MYRIP: variants seen among roughly 807,000 people sequenced by gnomAD.
The protein encoded by MYRIP is myosin VIIA and Rab interacting protein.
A neutral mutation model predicts 98.0 loss-of-function variants in MYRIP; 49 were observed. That is an observed-to-expected ratio of 0.50 (90% confidence interval 0.40 to 0.63). MYRIP has a LOEUF of 0.63. Among genes scored for constraint, MYRIP ranks in the 30% least tolerant of loss-of-function variants. The pLI is 0.00. For synonymous variants in MYRIP, 404 were observed against 409.5 expected, an observed-to-expected ratio of 0.99 and a Z score of 0.16; for missense variants, 1,004 against 1,058.2, an observed-to-expected ratio of 0.95 and a Z score of 0.71.
intron 1 of MYRIP, among the ~76,000 whole-genome samples, chr3:39,875,151 G>A (rs1942947568): frequency 6.6e-6 from 1 of 152,160 alleles, no homozygotes. Context: ...AGTATTCTCT[G>A]ATGGTAGTTT....
Position 39,829,690 on chromosome 3 carries a change from C to CT in MYRIP, c.-31+19782dup, listed in dbSNP as rs889357832. ...TGTTATTCTGGCCAGGGACACTGTA[C>CT]TTTTTTTTATACATAATACCATTGC... On this transcript the variant is annotated intron_variant, in intron 1 of 16. Transcript: ENST00000302541. 3.3e-5 allele frequency among the ~76,000 whole-genome samples: 5 copies of CT among 151,866 alleles called. No homozygotes were observed. The East Asian group carries it at 5.8e-4, about 18-fold the overall frequency.
At position 40,223,359 on chromosome 3, in the gene MYRIP, A is replaced by C. The variant is rs188945358; in HGVS notation, c.1906-10500A>C. 5.8e-3 allele frequency among the ~76,000 whole-genome samples: 891 copies of C among 152,356 alleles called. 1 individual carries two copies. Among genetic ancestry groups the C allele is most frequent in the Admixed American group, 0.011 (172 of 15,300 alleles). On this transcript the variant is annotated intron_variant, in intron 11 of 16. Transcript: ENST00000302541. ...ATATTTTTTAAAGGTACAGTAATTAAATTTGTGAGCTACTAATATAAGATG... is the reference window on the plus strand; with the variant it reads ...ATATTTTTTAAAGGTACAGTAATTACATTTGTGAGCTACTAATATAAGATG...
chr3:39,924,763 C>T (rs370576326), intron 2 of MYRIP, among the ~76,000 whole-genome samples: 1 of 151,878 alleles, frequency 6.6e-6, no homozygotes, highest in Non-Finnish European at 1.5e-5. Context: ...AATAATAGAG[C>T]GTGTTCTCTA....
chr3:40,112,204 C>T (rs1414517825), intron 3 of MYRIP, among the ~76,000 whole-genome samples: 2 of 144,788 alleles, frequency 1.4e-5, no homozygotes, highest in Admixed American at 1.4e-4. Context: ...CACACATACG[C>T]TCATGGAATT....
chr3:40,093,361 T>C (rs1051988226), intron 3 of MYRIP, among the ~76,000 whole-genome samples: 1 of 152,196 alleles, frequency 6.6e-6, no homozygotes, highest in Non-Finnish European at 1.5e-5. Flanking sequence ...CCTGGCAATC[T>C]TCCTTCAACC....
intron 10 of MYRIP, among the ~76,000 whole-genome samples, chr3:40,203,152 G>T (rs1311768478): frequency 1.3e-5 from 2 of 151,842 alleles, no homozygotes; most frequent in African/African-American, 4.8e-5. Flanking sequence ...GGATGGTCTT[G>T]ATCTCTTGAC....
chr3:40,226,374 T>C (rs1374102624), intron 11 of MYRIP, among the ~76,000 whole-genome samples: 1 of 152,182 alleles, frequency 6.6e-6, no homozygotes, highest in Non-Finnish European at 1.5e-5. Context: ...GCAGCCACCA[T>C]GTTCTCTCAG....
At chr3:40,255,647 A>G (rs776395080) in intron 16 of MYRIP, among the ~76,000 whole-genome samples, 5 of 152,170 alleles carry the variant, frequency 3.3e-5, no homozygotes, top group Non-Finnish European at 5.9e-5. Flanking sequence ...AAATTTTGAT[A>G]AAATAAAGTA....
intron 3 of MYRIP, among the ~76,000 whole-genome samples, chr3:40,093,980 C>T (rs963064511): frequency 6.6e-6 from 1 of 152,138 alleles, no homozygotes; most frequent in Non-Finnish European, 1.5e-5. Context: ...GTCTTTCCTA[C>T]TTTCCTGTTA....
chr3:39,916,227 ACC>A (rs1470002222), intron 2 of MYRIP, among the ~76,000 whole-genome samples: 10 of 151,988 alleles, frequency 6.6e-5, no homozygotes, highest in Non-Finnish European at 2.9e-5. Context: ...TTCAATAAAA[ACC>A]CCAGTTCATT....
intron 3 of MYRIP, among the ~76,000 whole-genome samples, chr3:40,139,372 A>G (rs1222944129): frequency 1.3e-5 from 2 of 152,046 alleles, no homozygotes; most frequent in Non-Finnish European, 2.9e-5. Context: ...AACATTTCCA[A>G]CTTCTTGAGA....
chr3:40,046,581 T>C (rs1448630856), intron 3 of MYRIP, among the ~76,000 whole-genome samples: 3 of 145,852 alleles, frequency 2.1e-5, no homozygotes, highest in Non-Finnish European at 4.5e-5. Flanking sequence ...TGGAACTCAG[T>C]TGGAGAGGAG....
rs182454395 is a variant in MYRIP at position 40,255,506 on chromosome 3, A to T, written c.2548-2628A>T. On this transcript the variant is annotated intron_variant, in intron 16 of 16. Transcript: ENST00000302541. Reference sequence around the variant, plus strand: ...TAAATTACCTTAAAGTAACACAGAAAGGTTAAAAACGAAAGAACAGACAAT... The same window carrying T: ...TAAATTACCTTAAAGTAACACAGAATGGTTAAAAACGAAAGAACAGACAAT... Among the ~76,000 whole-genome samples, 461 of 152,350 alleles carry T rather than the reference A, an allele frequency of 3.0e-3. 5 individuals carry two copies. The highest frequency in any genetic ancestry group is 0.01 in the African/African-American group (427 of 41,584).
At chr3:40,129,586 C>G (rs1949598185) in intron 3 of MYRIP, among the ~76,000 whole-genome samples, 1 of 150,438 alleles carries the variant, frequency 6.6e-6, no homozygotes, top group South Asian at 2.1e-4. Context: ...TCTGAGATTA[C>G]ACTTTTCTAT....
intron 10 of MYRIP, among the ~76,000 whole-genome samples, chr3:40,200,243 T>G (rs374993459): frequency 4.7e-4 from 71 of 151,636 alleles, no homozygotes; most frequent in African/African-American, 1.5e-3. Context: ...ACACATAATA[T>G]GCTAACGATA....
intron 3 of MYRIP, among the ~76,000 whole-genome samples, chr3:40,064,573 A>G (rs1317675954): frequency 6.6e-6 from 1 of 152,214 alleles, no homozygotes; most frequent in Non-Finnish European, 1.5e-5. Flanking sequence ...AAAGGCAACA[A>G]TGTAAAACAA....
At chr3:39,819,533 A>G (rs1488641191) in intron 1 of MYRIP, among the ~76,000 whole-genome samples, 1 of 151,562 alleles carries the variant, frequency 6.6e-6, no homozygotes, top group African/African-American at 2.4e-5. Context: ...CTACCATTGG[A>G]CAATTATTCC....
chr3:40,007,468 T>C (rs1946659772), intron 2 of MYRIP, among the ~76,000 whole-genome samples: 1 of 152,176 alleles, frequency 6.6e-6, no homozygotes, highest in Non-Finnish European at 1.5e-5. Context: ...TCAGGTGTCC[T>C]CTCCTCATCA....
chr3:39,966,722 C>A (rs980755704), intron 2 of MYRIP, among the ~76,000 whole-genome samples: 1 of 152,186 alleles, frequency 6.6e-6, no homozygotes, highest in African/African-American at 2.4e-5. Context: ...GTGGCCTTTG[C>A]CGAAGCAATG....
Sources: gnomAD v4.1 joint callset for allele counts (sites outside exome capture counted in the v4.1 genomes callset) on GRCh38, gnomAD v4.1.1 for gene constraint, MANE v1.5 for transcripts, NCBI Gene and HGNC (gene_info 2026-07-23, HGNC 2026-07-21) for gene names.